TENM2: variants seen among roughly 807,000 people sequenced by gnomAD.
The protein encoded by TENM2 is teneurin-2.
In TENM2, 52 loss-of-function variants were observed where a neutral mutation model predicts 245.2. That is an observed-to-expected ratio of 0.21 (90% CI 0.17 to 0.27). The LOEUF (loss-of-function observed/expected upper bound fraction) is 0.27, where lower values mean the gene tolerates loss of function less well. TENM2 is among the 10% of genes least tolerant of loss of function. The pLI is 1.00. For synonymous variants in TENM2, 1,363 were observed against 1,438.9 expected, an observed-to-expected ratio of 0.95 and a Z score of 1.19; for missense variants, 3,046 against 3,666.8, an observed-to-expected ratio of 0.83 and a Z score of 4.37.
chr5:167,310,707 A>G (rs1170708600), intron 1 of TENM2, among the ~76,000 whole-genome samples: 2 of 152,222 alleles, frequency 1.3e-5, no homozygotes, highest in African/African-American at 4.8e-5. Context: ...AAAATAAGAA[A>G]GAATTAATTT....
intron 5 of TENM2, among the ~76,000 whole-genome samples, chr5:168,030,008 A>T (rs1033319350): frequency 6.6e-6 from 1 of 151,924 alleles, no homozygotes; most frequent in Admixed American, 6.6e-5. Context: ...GGCACTGCTG[A>T]GTTTGGAGGG....
At chr5:167,704,036 G>A (rs1020491933) in intron 2 of TENM2, among the ~76,000 whole-genome samples, 1 of 152,174 alleles carries the variant, frequency 6.6e-6, no homozygotes, top group African/African-American at 2.4e-5. Context: ...CTTTGAGGGT[G>A]CAAAATTATT....
chr5:167,734,594 G>A (rs960597137), intron 2 of TENM2, among the ~76,000 whole-genome samples: 19 of 151,722 alleles, frequency 1.3e-4, no homozygotes, highest in African/African-American at 4.6e-4. Context: ...CAAACGAATG[G>A]CATTCCTATA....
At chr5:167,461,432 C>A (rs1766284076) in intron 2 of TENM2, among the ~76,000 whole-genome samples, 1 of 152,130 alleles carries the variant, frequency 6.6e-6, no homozygotes, top group Non-Finnish European at 1.5e-5. Flanking sequence ...TAGTGCACAG[C>A]CCCCACCCTG....
intron 2 of TENM2, among the ~76,000 whole-genome samples, chr5:167,687,726 C>T (rs1455151702): frequency 6.6e-6 from 1 of 152,124 alleles, no homozygotes; most frequent in East Asian, 1.9e-4. Context: ...GAATTTGGTA[C>T]AGCAAAAGGA....
intron 2 of TENM2, among the ~76,000 whole-genome samples, chr5:167,669,616 T>C (rs1387642173): frequency 6.6e-6 from 1 of 152,108 alleles, no homozygotes; most frequent in African/African-American, 2.4e-5. Context: ...TTCTCATTCC[T>C]GTAAACAGCA....
chr5:167,912,224 C>A (rs1196838332), intron 3 of TENM2, among the ~76,000 whole-genome samples: 1 of 152,102 alleles, frequency 6.6e-6, no homozygotes, highest in African/African-American at 2.4e-5. Flanking sequence ...TTTCAGATAC[C>A]ACGTGTAATT....
intron 2 of TENM2, among the ~76,000 whole-genome samples, chr5:167,836,125 C>A (rs1188448146): frequency 6.6e-6 from 1 of 152,158 alleles, no homozygotes; most frequent in African/African-American, 2.4e-5. Flanking sequence ...GTTTTATTAA[C>A]AAGTGACAAT....
chr5:167,641,671 A>G (rs1248598562), intron 2 of TENM2, among the ~76,000 whole-genome samples: 2 of 152,216 alleles, frequency 1.3e-5, no homozygotes, highest in Non-Finnish European at 2.9e-5. Context: ...ATTAGAGTCA[A>G]ATCTGTCCAC....
At chr5:167,591,761 C>G (rs1028776265) in intron 2 of TENM2, among the ~76,000 whole-genome samples, 7 of 152,144 alleles carry the variant, frequency 4.6e-5, no homozygotes, top group African/African-American at 1.7e-4. Context: ...AAGCCCTAAC[C>G]CTATTTCTGC....
the TENM2 span, among the ~76,000 whole-genome samples, chr5:167,113,261 A>G: frequency 6.6e-6 from 1 of 152,168 alleles, no homozygotes; most frequent in Non-Finnish European, 1.5e-5. Flanking sequence ...AGGGAATCAC[A>G]TGTAAAGGCA....
chr5:168,209,470 T>C lies in TENM2; in HGVS notation c.3825-2264T>C, dbSNP rs548202192. 1.7e-4 allele frequency among the ~76,000 whole-genome samples: 26 copies of C among 152,302 alleles called. No individual in the cohort carries two copies. The East Asian group carries it at 5.0e-3, about 29-fold the overall frequency. On this transcript the variant is annotated intron_variant, in intron 19 of 28. Transcript: ENST00000518659. Reference sequence around the variant, plus strand: ...GGCTAGCAACCATTTAACTGGGTGCTAAAGGGACTGCAAGCCACATGAGCT... The same window carrying C: ...GGCTAGCAACCATTTAACTGGGTGCCAAAGGGACTGCAAGCCACATGAGCT...
At chr5:168,097,954 A>G in intron 8 of TENM2, 72 bp from the exon 11 acceptor site, 1 of 1,152,410 alleles carries the variant, frequency 8.7e-7, no homozygotes, top group Non-Finnish European at 1.3e-6. Flanking sequence ...AAAAGTGGCA[A>G]GTTACTGACG....
At chr5:168,055,902 C>T (rs78715918) in intron 6 of TENM2, among the ~76,000 whole-genome samples, 2,534 of 152,268 alleles carry the variant, frequency 0.017, 65 homozygotes, top group African/African-American at 0.058. Context: ...CTCCACTGGG[C>T]AACATTGCCT....
intron 2 of TENM2, among the ~76,000 whole-genome samples, chr5:167,712,605 A>G (rs147931005): frequency 6.6e-6 from 1 of 152,264 alleles, no homozygotes; most frequent in Non-Finnish European, 1.5e-5. Context: ...TTTCTTTCTT[A>G]GTTTAGAAAT....
intron 2 of TENM2, among the ~76,000 whole-genome samples, chr5:167,394,393 G>T (rs1056983028): frequency 2.6e-5 from 4 of 151,784 alleles, no homozygotes; most frequent in African/African-American, 9.7e-5. Context: ...TCTTCTTTTT[G>T]TATTCTTGGA....
intron 2 of TENM2, among the ~76,000 whole-genome samples, chr5:167,568,798 T>A (rs1485668328): frequency 2.6e-5 from 4 of 152,146 alleles, no homozygotes; most frequent in Admixed American, 2.0e-4. Flanking sequence ...TTTTTTATGT[T>A]GTTCCAGATT....
chr5:166,985,872 A>G, the TENM2 span, among the ~76,000 whole-genome samples: 1 of 152,206 alleles, frequency 6.6e-6, no homozygotes, highest in Non-Finnish European at 1.5e-5. Flanking sequence ...TTGGCTTGAC[A>G]TAGAAAAATC....
the TENM2 span, among the ~76,000 whole-genome samples, chr5:167,141,966 G>T: frequency 6.6e-6 from 1 of 152,088 alleles, no homozygotes; most frequent in African/African-American, 2.4e-5. Context: ...AGTCACTTGT[G>T]TGTAATCATT....
Sources: allele counts gnomAD v4.1 joint callset (sites outside exome capture counted in the v4.1 genomes callset), GRCh38; gene constraint gnomAD v4.1.1; transcripts MANE v1.5; gene names NCBI Gene and HGNC (gene_info 2026-07-23, HGNC 2026-07-21).